XYLT1: variants seen among roughly 807,000 people sequenced by gnomAD.
The protein encoded by XYLT1 is xylosyltransferase 1.
Under a neutral mutation model 91.3 loss-of-function variants are expected in XYLT1, and 36 were observed. The ratio of observed to expected loss-of-function variants is 0.39; its 90% CI spans 0.30 to 0.52. XYLT1 has a LOEUF of 0.52. Ranked by LOEUF, XYLT1 falls within the 20% of genes least tolerant of loss-of-function variation. The probability of loss-of-function intolerance (pLI) is 0.68; values close to 1 mark genes in which losing one functional copy is unlikely to be tolerated. For synonymous variants in XYLT1, 588 were observed against 532.0 expected (o/e 1.11, Z -1.45); for missense variants, 1,242 against 1,284.5 (o/e 0.97, Z 0.51).
chr16:17,375,909 CA>C (rs1182794469), intron 1 of XYLT1, among the ~76,000 whole-genome samples: 1 of 152,256 alleles, frequency 6.6e-6, no homozygotes, highest in African/African-American at 2.4e-5. Context: ...GATGTATGTG[CA>C]GGGGGAGGTG....
At chr16:17,460,662 G>A (rs180975991) in intron 1 of XYLT1, among the ~76,000 whole-genome samples, 41 of 152,298 alleles carry the variant, frequency 2.7e-4, no homozygotes, top group Admixed American at 2.5e-3. Context: ...CAGTGGGTCT[G>A]CAGTATCACC....
At chr16:17,120,269 C>T (rs889032099) in intron 10 of XYLT1, among the ~76,000 whole-genome samples, 5 of 152,106 alleles carry the variant, frequency 3.3e-5, no homozygotes, top group Admixed American at 3.3e-4. Context: ...AACCCGATTT[C>T]TATTTTCCTG....
Position 17,246,825 on chromosome 16 carries a change from A to G in XYLT1, c.913+12163T>C, listed in dbSNP as rs546655333. On this transcript the variant is annotated intron_variant, in intron 3 of 11. Transcript: ENST00000261381. Reference sequence around the variant, plus strand: ...AGTCTCACCTAAGGGTCCCCAACAGAATTAAGGGTACTCAGCCCTTGTGGC... The same window carrying G: ...AGTCTCACCTAAGGGTCCCCAACAGGATTAAGGGTACTCAGCCCTTGTGGC... Among the ~76,000 whole-genome samples, 110 of 152,244 alleles carry G rather than the reference A, an allele frequency of 7.2e-4. 2 individuals are homozygous for G. The South Asian group carries it at 0.021, about 29-fold the overall frequency.
At chr16:17,248,859 T>C (rs149110435) in intron 3 of XYLT1, among the ~76,000 whole-genome samples, 2,595 of 151,046 alleles carry the variant, frequency 0.017, 89 homozygotes, top group Admixed American at 0.097. Flanking sequence ...GCAATTCTCA[T>C]GCCTTAGCCT....
At chr16:17,163,689 A>C (rs1203379225) in intron 5 of XYLT1, among the ~76,000 whole-genome samples, 4 of 152,202 alleles carry the variant, frequency 2.6e-5, no homozygotes, top group Non-Finnish European at 2.9e-5. Flanking sequence ...AGGTGTGCAC[A>C]GAGCCCAGGG....
At chr16:17,115,525 C>G (rs76641356) in intron 11 of XYLT1, among the ~76,000 whole-genome samples, 8,437 of 149,822 alleles carry the variant, frequency 0.056, 783 homozygotes, top group African/African-American at 0.19. Context: ...TGTCACCCAA[C>G]TGGAGTGCAG....
chr16:17,462,421 T>A (rs1286245644), intron 1 of XYLT1, among the ~76,000 whole-genome samples: 1 of 152,172 alleles, frequency 6.6e-6, no homozygotes, highest in Non-Finnish European at 1.5e-5. Flanking sequence ...ACACCCATCT[T>A]CTTTGTGATG....
At chr16:17,181,911 A>G (rs1438968917) in intron 5 of XYLT1, among the ~76,000 whole-genome samples, 2 of 152,158 alleles carry the variant, frequency 1.3e-5, no homozygotes, top group Non-Finnish European at 2.9e-5. Flanking sequence ...CTTTGTATCC[A>G]TCAGTATGAC....
In XYLT1 at chr16:17,259,027, G is replaced by T; in HGVS notation, c.874C>A (p.Leu292Met). 1.3e-6 allele frequency: 2 copies of T among 1,511,126 alleles called. No homozygotes were observed. Among genetic ancestry groups the T allele is most frequent in the Non-Finnish European group, 1.8e-6 (2 of 1,129,738 alleles). 93.6% of individuals were successfully genotyped at this position (1,511,126 alleles called of 1,614,324 possible). ...ETYCRHKLGL[L>M]MPEKVTRFCP... ...AACCGAGTCACCTTCTCAGGCATCA[G>T]CAGCCCTAACTTGTGGCGGCAGTAA... The change falls in exon 3 of 12, where the codon CTG becomes ATG. Residue 292 changes from leucine to methionine, a missense_variant. By Grantham distance (15) the Leu-to-Met change is conservative. Transcript: ENST00000261381.
At chr16:17,127,910 CAGTG>C in intron 9 of XYLT1, 49 bp from the exon 10 acceptor site, 1 of 1,554,754 alleles carries the variant, frequency 6.4e-7, no homozygotes, top group Non-Finnish European at 8.7e-7. Context: ...TGTAGGATCA[CAGTG>C]AGGCTCCCCA....
intron 2 of XYLT1, among the ~76,000 whole-genome samples, chr16:17,278,285 A>G (rs1161430422): frequency 6.6e-6 from 1 of 152,144 alleles, no homozygotes; most frequent in East Asian, 1.9e-4. Flanking sequence ...GCAGTTGTTC[A>G]GGCCACTAGA....
chr16:17,285,984 CTG>C (rs2034135076), intron 2 of XYLT1, among the ~76,000 whole-genome samples: 1 of 150,572 alleles, frequency 6.6e-6, no homozygotes. Context: ...CAGAGAGAGA[CTG>C]TGTTATGCCA....
At chr16:17,338,449 A>C in intron 2 of XYLT1, 1 of 456,502 alleles carries the variant, frequency 2.2e-6, no homozygotes, top group Non-Finnish European at 4.4e-6. Context: ...AGAAGTTGAA[A>C]CCTACGCTTT....
rs1195765238 is a variant in XYLT1, at chr16:17,117,888, C to A, written c.2315G>T (p.Trp772Leu). The A allele has an allele frequency of 1.9e-6, 3 of 1,614,118 alleles. No homozygotes were observed. Among genetic ancestry groups the A allele is most frequent in the South Asian group, 1.1e-5 (1 of 91,078 alleles). ...PMDEPVGMQK[W>L]GKGPNVTVTV... ...CACGGTCACATTAGGTCCCTTCCCC[C>A]ACTTCTGCATACCCACCGGCTCATC... Residue 772 changes from tryptophan (W) to leucine (L), a missense_variant, in exon 11 of 12, where the codon TGG becomes TTG. Around this residue, in one of 3 missense-constraint regions of XYLT1, gnomAD observed 511 missense variants for 497.0 expected, o/e 1.03. Transcript: ENST00000261381.
At chr16:17,119,205 GT>G (rs55775727) in intron 10 of XYLT1, among the ~76,000 whole-genome samples, 43,759 of 152,060 alleles carry the variant, frequency 0.29, 6,789 homozygotes, top group East Asian at 0.61. Flanking sequence ...CTCGAGTAAT[GT>G]TTGTTGAATG....
intron 11 of XYLT1, among the ~76,000 whole-genome samples, chr16:17,114,392 G>A (rs745857840): frequency 5.3e-5 from 8 of 152,156 alleles, no homozygotes; most frequent in Non-Finnish European, 8.8e-5. Context: ...CTCACTCTGT[G>A]GTGTCTGATG....
intron 5 of XYLT1, among the ~76,000 whole-genome samples, chr16:17,188,197 C>T (rs1452431916): frequency 1.3e-5 from 2 of 152,090 alleles, no homozygotes; most frequent in Non-Finnish European, 1.5e-5. Context: ...GTAGAAGCAA[C>T]TGCTTGTGAT....
At chr16:17,327,441 C>A (rs996467462) in intron 2 of XYLT1, among the ~76,000 whole-genome samples, 1 of 147,738 alleles carries the variant, frequency 6.8e-6, no homozygotes, top group African/African-American at 2.5e-5. Context: ...TGGCTCACTG[C>A]AAGCTCCGCC....
chr16:17,318,295 C>T (rs1336894229), intron 2 of XYLT1, among the ~76,000 whole-genome samples: 4 of 152,238 alleles, frequency 2.6e-5, no homozygotes, highest in Non-Finnish European at 5.9e-5. Context: ...TACACAGCCT[C>T]ATCACAGGAC....
Sources: allele counts gnomAD v4.1 joint callset (sites outside exome capture counted in the v4.1 genomes callset), GRCh38; gene constraint gnomAD v4.1.1; regional missense constraint gnomAD v4.1.1; transcripts MANE v1.5; gene names NCBI Gene and HGNC (gene_info 2026-07-23, HGNC 2026-07-21).